DNAI1: variants seen among roughly 807,000 people sequenced by gnomAD.
The protein encoded by DNAI1 is dynein, axonemal, intermediate polypeptide 1.
Under a neutral mutation model 92.0 loss-of-function variants are expected in DNAI1, and 67 were observed. The observed-to-expected ratio is 0.73, with a 90% CI of 0.60 to 0.89. The LOEUF (loss-of-function observed/expected upper bound fraction) is 0.89, where lower values mean the gene tolerates loss of function less well. DNAI1 is among the 40% of genes least tolerant of loss of function. DNAI1 has a pLI of 0.00. For missense variants in DNAI1, 839 were observed against 866.6 expected (o/e 0.97, Z 0.40); for synonymous variants, 323 against 319.6 (o/e 1.01, Z -0.11).
chr9:34,481,281 G>A (rs1369889436), intron 1 of DNAI1, among the ~76,000 whole-genome samples: 1 of 152,204 alleles, frequency 6.6e-6, no homozygotes, highest in Non-Finnish European at 1.5e-5. Flanking sequence ...TCTCTTTATT[G>A]CCTGGTACAG....
rs1554688186 is a variant in DNAI1, at chr9:34,492,493, G to GATAGATATATATAT, written c.682-698_682-697insGATATATATATATA. Among the ~76,000 whole-genome samples the GATAGATATATATAT allele has an allele frequency of 1.2e-3, 80 of 68,250 alleles. 2 individuals are homozygous for GATAGATATATATAT. The highest frequency in any genetic ancestry group is 1.7e-3 in the African/African-American group (34 of 19,672). The allele number at this position is 68,250 out of a possible 152,430, so 44.8% of individuals were successfully genotyped here. ...TCCGGGGTGGGGGTGGGGATATGAA[G>GATAGATATATATAT]ATATATATATATATATATATATATA... On this transcript the variant is annotated intron_variant, in intron 8 of 19. Transcript: ENST00000242317.
intron 13 of DNAI1, among the ~76,000 whole-genome samples, chr9:34,508,141 G>A (rs1013859396): frequency 2.0e-5 from 3 of 152,194 alleles, no homozygotes; most frequent in African/African-American, 7.2e-5. Context: ...GACAGCAGTG[G>A]GACTCTGTCT....
At chr9:34,488,031 A>T (rs1303906892) in intron 4 of DNAI1, 9 of 375,286 alleles carry the variant, frequency 2.4e-5, no homozygotes, top group Non-Finnish European at 4.8e-5. Flanking sequence ...GAAATCTCAA[A>T]TGAAACTGTA....
chr9:34,483,748 CTATA>C (rs1434472860), intron 2 of DNAI1, among the ~76,000 whole-genome samples: 1 of 151,984 alleles, frequency 6.6e-6, no homozygotes, highest in Non-Finnish European at 1.5e-5. Context: ...TGGAACCAAA[CTATA>C]TATGTTATTT....
intron 13 of DNAI1, 129 bp downstream of exon 13, chr9:34,507,003 C>A: frequency 7.1e-7 from 1 of 1,399,832 alleles, no homozygotes. Context: ...ACCATCAGGT[C>A]AGGATCTGGG....
chr9:34,487,932 C>T, intron 4 of DNAI1: 1 of 230,036 alleles, frequency 4.3e-6, no homozygotes, highest in Non-Finnish European at 9.0e-6. Flanking sequence ...GGCATGCCTT[C>T]CCTCCCCTCA....
chr9:34,497,223 C>A, intron 10 of DNAI1, 24 bp downstream of exon 10: 16 of 1,566,132 alleles, frequency 1.0e-5, no homozygotes, highest in Non-Finnish European at 1.4e-5. Context: ...TTCTGGCAAC[C>A]ACTATTATTG....
chr9:34,503,827 G>A (rs1225833052), intron 12 of DNAI1, among the ~76,000 whole-genome samples: 1 of 152,236 alleles, frequency 6.6e-6, no homozygotes, highest in African/African-American at 2.4e-5. Flanking sequence ...CAGGCTACAT[G>A]TTCCCAGCAG....
chr9:34,496,797 C>G (rs1030736670), intron 9 of DNAI1, among the ~76,000 whole-genome samples: 4 of 152,220 alleles, frequency 2.6e-5, no homozygotes, highest in African/African-American at 9.7e-5. Context: ...TTCCTGGGCT[C>G]TCTTCAATGC....
intron 7 of DNAI1, 152 bp from the exon 8 acceptor site, chr9:34,491,343 G>T: frequency 1.3e-6 from 1 of 757,458 alleles, no homozygotes. Flanking sequence ...GCATCATTCA[G>T]TTATTCACCC....
At chr9:34,513,064 C>T (rs200102176) in intron 15 of DNAI1, 48 bp from the exon 16 acceptor site, 466 of 1,503,450 alleles carry the variant, frequency 3.1e-4, no homozygotes, top group South Asian at 1.1e-3. Context: ...GCACTGGGAG[C>T]CTCCCTCTTG....
intron 12 of DNAI1, among the ~76,000 whole-genome samples, chr9:34,503,621 G>A (rs1246081258): frequency 6.6e-6 from 1 of 152,134 alleles, no homozygotes; most frequent in Non-Finnish European, 1.5e-5. Flanking sequence ...AAGGACTGTA[G>A]CCATTCCCTC....
Position 34,478,429 on chromosome 9 carries a change from A to G in DNAI1, c.49-5019A>G, listed in dbSNP as rs186784849. Among the ~76,000 whole-genome samples, 275 of 152,308 alleles carry G rather than the reference A, an allele frequency of 1.8e-3. 1 individual carries two copies. The highest frequency in any genetic ancestry group is 1.8e-3 in the Non-Finnish European group (123 of 68,030). On this transcript the variant is annotated intron_variant, in intron 1 of 19. Coordinates refer to ENST00000242317, the MANE Select transcript of DNAI1 (RefSeq NM_012144.4). ...TTCAAGAAGGAGGGAGGGAGCCCTC[A>G]GCAATGTCAAGTCCTATAAGAGAAC...
chr9:34,513,211 G>C lies in DNAI1; in HGVS notation c.1569+20G>C. On this transcript the variant is annotated intron_variant, in intron 16 of 19. Transcript: ENST00000242317. Reference sequence around the variant, plus strand: ...TACAAGGTGAGGCTGCCCTGTGCCAGCTCCTTAGAAGGCCGCTTAGACCTG... The same window carrying C: ...TACAAGGTGAGGCTGCCCTGTGCCACCTCCTTAGAAGGCCGCTTAGACCTG... 6.2e-7 allele frequency: 1 copy of C among 1,605,258 alleles called. No individual in the cohort carries two copies. The highest frequency in any genetic ancestry group is 1.1e-5 in the South Asian group (1 of 90,918).
At chr9:34,519,078 G>A (rs942380508) in intron 19 of DNAI1, among the ~76,000 whole-genome samples, 4 of 152,228 alleles carry the variant, frequency 2.6e-5, no homozygotes, top group Non-Finnish European at 5.9e-5. Flanking sequence ...GACCTGAGAA[G>A]GGACAGGTGG....
chr9:34,472,241 T>G (rs1324578833), intron 1 of DNAI1, among the ~76,000 whole-genome samples: 2 of 152,216 alleles, frequency 1.3e-5, no homozygotes, highest in Non-Finnish European at 2.9e-5. Context: ...AGCAATTCTA[T>G]GAGGAGGGCA....
At chr9:34,507,249 C>T (rs1824954278) in intron 13 of DNAI1, among the ~76,000 whole-genome samples, 1 of 152,154 alleles carries the variant, frequency 6.6e-6, no homozygotes, top group Non-Finnish European at 1.5e-5. Flanking sequence ...GACCCCCACA[C>T]AGTCAAAAAT....
At chr9:34,467,151 A>T (rs1824053264) in intron 1 of DNAI1, among the ~76,000 whole-genome samples, 1 of 152,150 alleles carries the variant, frequency 6.6e-6, no homozygotes, top group Admixed American at 6.5e-5. Flanking sequence ...CTTTCTCATG[A>T]ATTGTGCGGG....
intron 18 of DNAI1, among the ~76,000 whole-genome samples, chr9:34,515,007 C>T (rs987598246): frequency 1.3e-5 from 2 of 152,194 alleles, no homozygotes; most frequent in Non-Finnish European, 2.9e-5. Context: ...CAGTTATTTC[C>T]TCTGCTGTAT....
Sources: gnomAD v4.1 joint callset for allele counts (sites outside exome capture counted in the v4.1 genomes callset) on GRCh38, gnomAD v4.1.1 for gene constraint, MANE v1.5 for transcripts, NCBI Gene and HGNC (gene_info 2026-07-23, HGNC 2026-07-21) for gene names.